Variants in ARHGAP40 observed in about 807,000 individuals in gnomAD.
ARHGAP40 encodes Rho GTPase activating protein 40, also known as rho GTPase-activating protein 40.
In ARHGAP40, 43 loss-of-function variants were observed where a neutral mutation model predicts 73.5. The ratio of observed to expected loss-of-function variants is 0.58; its 90% CI spans 0.46 to 0.75. The LOEUF is 0.75. ARHGAP40 is among the 30% of genes least tolerant of loss of function. ARHGAP40 has a pLI of 0.00. For missense variants in ARHGAP40, 734 were observed against 861.8 expected (o/e 0.85, Z 1.86); for synonymous variants, 300 against 352.8 (o/e 0.85, Z 1.68).
intron 6 of ARHGAP40, among the ~76,000 whole-genome samples, chr20:38,636,828 AT>A (rs1278322466): frequency 6.6e-6 from 1 of 152,072 alleles, no homozygotes; most frequent in East Asian, 1.9e-4. Flanking sequence ...ATGCATTGTG[AT>A]TTTTTGGTTT....
chr20:38,637,564 G>T (rs1193982516), intron 6 of ARHGAP40, 144 bp from the exon 7 acceptor site: 1 of 509,614 alleles, frequency 2.0e-6, no homozygotes. Flanking sequence ...AAGAGGAGCG[G>T]TTTGGGTCCA....
At chr20:38,644,057 C>A in intron 11 of ARHGAP40, 147 bp downstream of exon 11, 1 of 576,010 alleles carries the variant, frequency 1.7e-6, no homozygotes, top group Non-Finnish European at 2.5e-6. Context: ...GTGTTTTCTT[C>A]CTCCCCCTGC....
Position 38,643,759 on chromosome 20 carries a change from C to T in ARHGAP40, c.1418C>T (p.Thr473Ile), listed in dbSNP as rs1568612051. The T allele has an allele frequency of 3.1e-6, 4 of 1,305,764 alleles. No homozygotes were observed. In the Admixed American group the frequency reaches 9.2e-5, roughly 30 times the overall value. The allele number at this position is 1,305,764 out of a possible 1,614,324, so 80.9% of individuals were successfully genotyped here. ...GCCCGGGAACAGCACAACAAGATGA[C>T]TCTGAGGAATGTTTCCACCGTGATG... The change falls in exon 11 of 15, where the codon ACT (threonine) becomes ATT (isoleucine). Residue 473 changes from threonine (T) to isoleucine (I), a missense_variant. Physicochemically the swap from Thr to Ile is moderately conservative, Grantham distance 89. Transcript: ENST00000373345.
chr20:38,610,981 C>T (rs979809301), intron 1 of ARHGAP40, among the ~76,000 whole-genome samples: 11 of 151,508 alleles, frequency 7.3e-5, no homozygotes, highest in Non-Finnish European at 1.2e-4. Flanking sequence ...CCTCCACCTC[C>T]GGGGTTTAAG....
intron 7 of ARHGAP40, 132 bp from the exon 8 acceptor site, chr20:38,638,629 C>T: frequency 1.8e-6 from 1 of 542,044 alleles, no homozygotes; most frequent in Non-Finnish European, 3.0e-6. Context: ...GTCACAAAAA[C>T]TAATATTATT....
chr20:38,603,822 C>T (rs949695161), intron 1 of ARHGAP40, among the ~76,000 whole-genome samples: 3 of 152,164 alleles, frequency 2.0e-5, no homozygotes, highest in Admixed American at 2.0e-4. Flanking sequence ...GGTCCTCTTC[C>T]GTCTTCAAAG....
intron 1 of ARHGAP40, among the ~76,000 whole-genome samples, chr20:38,602,647 T>A (rs181968130): frequency 1.7e-3 from 255 of 152,374 alleles, no homozygotes; most frequent in Admixed American, 2.8e-3. Flanking sequence ...GGAATACATA[T>A]GTTCATTCTT....
At chr20:38,621,172 C>T (rs1362801253) in intron 1 of ARHGAP40, among the ~76,000 whole-genome samples, 1 of 152,080 alleles carries the variant, frequency 6.6e-6, no homozygotes, top group Non-Finnish European at 1.5e-5. Context: ...GATGGGATCC[C>T]ACAAGATGGG....
intron 1 of ARHGAP40, among the ~76,000 whole-genome samples, chr20:38,616,529 C>T (rs1190243343): frequency 6.6e-6 from 1 of 152,202 alleles, no homozygotes; most frequent in African/African-American, 2.4e-5. Context: ...TGAGGAAAGA[C>T]CGTTGTACAA....
chr20:38,606,139 G>A (rs191906918), intron 1 of ARHGAP40, among the ~76,000 whole-genome samples: 5 of 152,272 alleles, frequency 3.3e-5, no homozygotes, highest in Admixed American at 3.3e-4. Flanking sequence ...GGGACTACAG[G>A]CATGTGCCAC....
At chr20:38,606,279 T>C (rs1221761274) in intron 1 of ARHGAP40, among the ~76,000 whole-genome samples, 1 of 152,254 alleles carries the variant, frequency 6.6e-6, no homozygotes, top group Non-Finnish European at 1.5e-5. Flanking sequence ...TTGGTTGCTA[T>C]TATAAACTAT....
chr20:38,645,513 A>G (rs1444599290), intron 11 of ARHGAP40, among the ~76,000 whole-genome samples: 2 of 152,124 alleles, frequency 1.3e-5, no homozygotes, highest in East Asian at 3.9e-4. Flanking sequence ...AGCAGCAAAA[A>G]GGGGAATTCA....
At chr20:38,641,984 C>A (rs981238364) in intron 10 of ARHGAP40, among the ~76,000 whole-genome samples, 176 bp downstream of exon 10, 13 of 152,244 alleles carry the variant, frequency 8.5e-5, no homozygotes, top group African/African-American at 3.1e-4. Context: ...GTAGATGAGT[C>A]CTGAAAGGGG....
intron 1 of ARHGAP40, among the ~76,000 whole-genome samples, chr20:38,608,744 A>C (rs1370866999): frequency 1.3e-5 from 2 of 152,168 alleles, no homozygotes; most frequent in African/African-American, 2.4e-5. Flanking sequence ...GGCTGAAACA[A>C]TACAAAGGTA....
intron 2 of ARHGAP40, among the ~76,000 whole-genome samples, chr20:38,626,542 C>A (rs967359880): frequency 6.6e-6 from 1 of 152,180 alleles, no homozygotes; most frequent in African/African-American, 2.4e-5. Context: ...GTAGAGGGGA[C>A]AATTCCAACA....
chr20:38,626,871 A>T, intron 2 of ARHGAP40, 124 bp from the exon 3 acceptor site: 2 of 686,218 alleles, frequency 2.9e-6, no homozygotes, highest in East Asian at 6.7e-5. Flanking sequence ...AATAGGTCTC[A>T]CGATCAGATA....
intron 14 of ARHGAP40, 40 bp downstream of exon 14, chr20:38,648,738 C>T (rs749606181): frequency 1.8e-5 from 24 of 1,299,666 alleles, no homozygotes; most frequent in Non-Finnish European, 2.0e-5. Flanking sequence ...AGCCCGGGTC[C>T]CTGGGAGTTC....
intron 10 of ARHGAP40, among the ~76,000 whole-genome samples, chr20:38,643,170 C>CA (rs1343752147): frequency 6.0e-5 from 9 of 149,814 alleles, no homozygotes; most frequent in South Asian, 2.1e-4. Context: ...AAAAAACAAA[C>CA]AAAAAAAACC....
rs193176017 is a variant in ARHGAP40, at chr20:38,627,270, C to T, written c.558+55C>T. On this transcript the variant is annotated intron_variant, in intron 3 of 14. Transcript: ENST00000373345. ...CGTCTGACTGGGATCTCTGTGCTGC[C>T]GCCACAGCCTGAGAGATGCAGTGAT... is the stretch of plus-strand genomic sequence containing the variant. 5.3e-4 allele frequency: 678 copies of T among 1,278,642 alleles called. 3 individuals carry two copies. The African/African-American group carries it at 9.0e-3, about 17-fold the overall frequency. The allele number at this position is 1,278,642 out of a possible 1,614,324, so 79.2% of individuals were successfully genotyped here. A position where few individuals can be genotyped will look rare whatever the true frequency, so the allele number is the denominator to read the frequency against.
Sources: gnomAD v4.1 joint callset for allele counts (sites outside exome capture counted in the v4.1 genomes callset) on GRCh38, gnomAD v4.1.1 for gene constraint, MANE v1.5 for transcripts, NCBI Gene and HGNC (gene_info 2026-07-23, HGNC 2026-07-21) for gene names.